The following FAM13C variants were observed in gnomAD, a reference collection of about 807,000 sequenced individuals.
FAM13C encodes the protein family with sequence similarity 13 member C, also known as protein FAM13C.
A neutral mutation model predicts 73.2 loss-of-function variants in FAM13C; 37 were observed. The observed-to-expected ratio is 0.51, with a 90% CI of 0.39 to 0.67. FAM13C has a LOEUF of 0.67. FAM13C is among the 30% of genes least tolerant of loss of function. The pLI, the probability that FAM13C is intolerant of heterozygous loss-of-function variation, is 0.00. For synonymous variants in FAM13C, 246 were observed against 260.9 expected (o/e 0.94, Z 0.55); for missense variants, 589 against 715.6 (o/e 0.82, Z 2.02).
chr10:59,286,708 T>C (rs1476862048), intron 5 of FAM13C, among the ~76,000 whole-genome samples: 1 of 151,238 alleles, frequency 6.6e-6, no homozygotes, highest in Non-Finnish European at 1.5e-5. Flanking sequence ...AGTGTGACTG[T>C]ACTTAATGTC....
chr10:59,331,887 C>A (rs2134105434), intron 3 of FAM13C, among the ~76,000 whole-genome samples: 1 of 152,200 alleles, frequency 6.6e-6, no homozygotes, highest in Non-Finnish European at 1.5e-5. Context: ...ATTGCTGTTC[C>A]ATGAGATGGA....
intron 1 of FAM13C, among the ~76,000 whole-genome samples, chr10:59,356,564 C>T (rs1855732559): frequency 6.6e-6 from 1 of 152,122 alleles, no homozygotes; most frequent in Admixed American, 6.5e-5. Context: ...CCCAACCATT[C>T]CCACTCAGCC....
chr10:59,293,296 T>C (rs181618388), intron 5 of FAM13C, among the ~76,000 whole-genome samples: 4,171 of 152,118 alleles, frequency 0.027, 172 homozygotes, highest in African/African-American at 0.095. Context: ...CTGGATGGTC[T>C]CGATCTCCTG....
At position 59,352,364 on chromosome 10, in the gene FAM13C, TCCACCAGCACGGTCG is replaced by T. The variant is rs868274841; in HGVS notation, c.215_229del (p.Ala72_Val76del). On this transcript the variant is annotated inframe_deletion, in exon 3 of 14. Coordinates refer to ENST00000618804, the MANE Select transcript of FAM13C (RefSeq NM_198215.4). ...GCCCATGCTGGGTCGCAATACGCTGTCCACCAGCACGGTCGCCTCTACATTCTGCTGCTGCGGCTC... is the reference window on the plus strand; with the variant it reads ...GCCCATGCTGGGTCGCAATACGCTGTCCTCTACATTCTGCTGCTGCGGCTC... The T allele has an allele frequency of 1.9e-6, 3 of 1,614,086 alleles. No individual in the cohort carries two copies. The African/African-American group carries it at 4.0e-5, about 22-fold the overall frequency.
At chr10:59,315,726 T>C (rs998448689) in intron 4 of FAM13C, among the ~76,000 whole-genome samples, 1 of 152,134 alleles carries the variant, frequency 6.6e-6, no homozygotes, top group East Asian at 1.9e-4. Context: ...TGAAGGCTAG[T>C]GGATGAAACA....
intron 10 of FAM13C, among the ~76,000 whole-genome samples, chr10:59,255,447 C>T (rs1841862000): frequency 6.6e-6 from 1 of 152,044 alleles, no homozygotes; most frequent in South Asian, 2.1e-4. Flanking sequence ...ATGTATCTGC[C>T]TATTTATCCA....
intron 6 of FAM13C, among the ~76,000 whole-genome samples, chr10:59,276,707 T>A (rs1844355944): frequency 6.6e-6 from 1 of 152,210 alleles, no homozygotes; most frequent in South Asian, 2.1e-4. Flanking sequence ...AATCTTGTTT[T>A]ACATTTCAGA....
At chr10:59,261,291 G>C (rs554411824) in intron 10 of FAM13C, among the ~76,000 whole-genome samples, 1 of 152,034 alleles carries the variant, frequency 6.6e-6, no homozygotes, top group Admixed American at 6.6e-5. Flanking sequence ...TAAGGCTAAA[G>C]GTATTTCATA....
At chr10:59,357,695 C>T (rs1039725728) in intron 1 of FAM13C, among the ~76,000 whole-genome samples, 1 of 152,196 alleles carries the variant, frequency 6.6e-6, no homozygotes, top group African/African-American at 2.4e-5. Context: ...TTATGAGATA[C>T]TTACTCCCTA....
chr10:59,257,560 G>T (rs1842061644), intron 10 of FAM13C, among the ~76,000 whole-genome samples: 1 of 152,186 alleles, frequency 6.6e-6, no homozygotes. Context: ...TCTGGACAGT[G>T]AGCAATGGAA....
chr10:59,315,890 A>G (rs1270259128), intron 4 of FAM13C, among the ~76,000 whole-genome samples: 2 of 152,178 alleles, frequency 1.3e-5, no homozygotes, highest in African/African-American at 2.4e-5. Flanking sequence ...GTTGTGTATT[A>G]TATTCCTATC....
chr10:59,262,717 A>C, intron 9 of FAM13C, 72 bp from the exon 10 acceptor site: 1 of 1,339,892 alleles, frequency 7.5e-7, no homozygotes, highest in Non-Finnish European at 1.0e-6. Flanking sequence ...GACTTTCAGG[A>C]ATTCCTTCCC....
intron 12 of FAM13C, 84 bp from the exon 13 acceptor site, chr10:59,251,760 A>G: frequency 9.6e-7 from 1 of 1,040,998 alleles, no homozygotes; most frequent in African/African-American, 1.6e-5. Context: ...TTCAGCCAAA[A>G]AAGCATCTAT....
At chr10:59,288,433 C>T (rs1845846759) in intron 5 of FAM13C, among the ~76,000 whole-genome samples, 1 of 152,098 alleles carries the variant, frequency 6.6e-6, no homozygotes, top group South Asian at 2.1e-4. Context: ...GTGGAGGGTG[C>T]AGTGAGCCAA....
intron 3 of FAM13C, among the ~76,000 whole-genome samples, chr10:59,339,866 C>T (rs1477102309): frequency 6.6e-6 from 1 of 152,126 alleles, no homozygotes; most frequent in African/African-American, 2.4e-5. Flanking sequence ...TTAAAATCAT[C>T]CATTCCAAAA....
intron 3 of FAM13C, among the ~76,000 whole-genome samples, chr10:59,349,120 T>C (rs1436500388): frequency 1.3e-5 from 2 of 152,260 alleles, no homozygotes; most frequent in African/African-American, 4.8e-5. Context: ...CATTACGTGC[T>C]ATGCTTATTA....
intron 6 of FAM13C, among the ~76,000 whole-genome samples, chr10:59,278,207 C>T (rs1844536349): frequency 6.6e-6 from 1 of 152,160 alleles, no homozygotes; most frequent in Admixed American, 6.5e-5. Flanking sequence ...CCCACCAGGT[C>T]CCTCCCACAA....
At chr10:59,259,778 G>T (rs1842310391) in intron 10 of FAM13C, among the ~76,000 whole-genome samples, 6 of 152,126 alleles carry the variant, frequency 3.9e-5, no homozygotes, top group Admixed American at 2.6e-4. Flanking sequence ...CGCATGAGGA[G>T]ATTTTTCTCT....
intron 4 of FAM13C, among the ~76,000 whole-genome samples, chr10:59,312,474 A>AGTACAACACACTACAGTATAGT (rs1849046935): frequency 1.3e-5 from 2 of 152,170 alleles, no homozygotes; most frequent in Admixed American, 1.3e-4. Context: ...TGTACCCCTG[A>AGTACAACACACTACAGTATAGT]GTACAACACA....
Sources: allele counts gnomAD v4.1 joint callset (sites outside exome capture counted in the v4.1 genomes callset), GRCh38; gene constraint gnomAD v4.1.1; transcripts MANE v1.5; gene names NCBI Gene and HGNC (gene_info 2026-07-23, HGNC 2026-07-21).